Variants in FHAD1 observed in about 807,000 individuals in gnomAD.
The protein encoded by FHAD1 is forkhead-associated domain-containing protein 1.
A neutral mutation model predicts 191.3 loss-of-function variants in FHAD1; 146 were observed. The ratio of observed to expected loss-of-function variants is 0.76; its 90% CI spans 0.67 to 0.88. FHAD1 has a LOEUF of 0.88. Among genes scored for constraint, FHAD1 ranks in the 40% least tolerant of loss-of-function variants. FHAD1 has a pLI of 0.00. For missense variants in FHAD1, 1,635 were observed against 1,785.8 expected (o/e 0.92, Z 1.52); for synonymous variants, 616 against 672.3 (o/e 0.92, Z 1.29).
In FHAD1 at chr1:15,381,716, G is replaced by C. The variant is rs1465257112; in HGVS notation, c.4022+265G>C. ...GCAAGCTGCACCTCTTGCGACCCTT[G>C]ACTTATGGTTTCCCAGTTGTGTAGC... On this transcript the variant is annotated intron_variant, in intron 30 of 33. Coordinates refer to ENST00000688493, the MANE Select transcript of FHAD1 (RefSeq NM_001391957.1). The surrounding 1 kb of genome is among the most constrained non-coding windows in gnomAD (Gnocchi z 4.6). Among the ~76,000 whole-genome samples, 1 of 149,598 alleles carries C rather than the reference G, an allele frequency of 6.7e-6. No individual in the cohort carries two copies. The highest frequency in any genetic ancestry group is 2.5e-5 in the African/African-American group (1 of 40,580).
intron 2 of FHAD1, among the ~76,000 whole-genome samples, chr1:15,271,408 G>T (rs554221429): frequency 6.6e-6 from 1 of 152,190 alleles, no homozygotes; most frequent in Non-Finnish European, 1.5e-5. Context: ...GGAACATGCA[G>T]TCACCTCCTT....
chr1:15,249,139 C>T (rs1284689498), intron 1 of FHAD1, among the ~76,000 whole-genome samples: 1 of 152,058 alleles, frequency 6.6e-6, no homozygotes, highest in African/African-American at 2.4e-5. Flanking sequence ...AAGTAAAGAA[C>T]AAGAAAATGA....
At chr1:15,360,067 AG>A (rs1242585633) in intron 21 of FHAD1, among the ~76,000 whole-genome samples, 2 of 152,166 alleles carry the variant, frequency 1.3e-5, no homozygotes, top group Non-Finnish European at 2.9e-5. Context: ...GAGCCAAGAT[AG>A]TGCCACTGCA....
chr1:15,280,059 G>C (rs1257284291), intron 3 of FHAD1, among the ~76,000 whole-genome samples: 1 of 152,102 alleles, frequency 6.6e-6, no homozygotes, highest in African/African-American at 2.4e-5. Context: ...TTTTCTCCTC[G>C]GTGTATGATG....
intron 13 of FHAD1, 187 bp downstream of exon 13, chr1:15,328,616 G>T (rs1317575578): frequency 8.4e-6 from 4 of 477,318 alleles, no homozygotes; most frequent in African/African-American, 6.0e-5. Context: ...AATGCCTCCC[G>T]GGAGAACTTG....
At chr1:15,309,437 T>G (rs1671557700) in intron 7 of FHAD1, among the ~76,000 whole-genome samples, 1 of 151,874 alleles carries the variant, frequency 6.6e-6, no homozygotes. Context: ...TGACAGACAA[T>G]AAGAAGTAAA....
intron 1 of FHAD1, among the ~76,000 whole-genome samples, chr1:15,237,889 C>G (rs1466634188): frequency 6.6e-6 from 1 of 152,112 alleles, no homozygotes; most frequent in Non-Finnish European, 1.5e-5. Context: ...GGGGATTGAT[C>G]AGCTCAGAAA....
intron 4 of FHAD1, among the ~76,000 whole-genome samples, chr1:15,292,308 TG>T (rs1665081016): frequency 6.7e-6 from 1 of 148,458 alleles, no homozygotes; most frequent in African/African-American, 2.5e-5. Context: ...CCACCAGGCC[TG>T]GCTAATTTTT....
At position 15,279,402 on chromosome 1, in the gene FHAD1, T is replaced by C. The variant is rs1659655031; in HGVS notation, c.300+6873T>C. ...AGCATCAGCTTCAGGCCTGGCTAGA[T>C]CCAGGTGCTCAAGGGATGCTCAGGA... On this transcript the variant is annotated intron_variant, in intron 3 of 33. Coordinates refer to ENST00000688493, the MANE Select transcript of FHAD1 (RefSeq NM_001391957.1). 2.0e-5 allele frequency among the ~76,000 whole-genome samples: 3 copies of C among 152,168 alleles called. No homozygotes were observed. The South Asian group carries it at 6.2e-4, about 32-fold the overall frequency.
chr1:15,369,343 G>A (rs760957138), intron 25 of FHAD1, 27 bp from the exon 26 acceptor site: 27 of 1,551,224 alleles, frequency 1.7e-5, no homozygotes, highest in Non-Finnish European at 2.3e-5. Flanking sequence ...CCAGAACCTC[G>A]TGCCATCCTC....
intron 28 of FHAD1, among the ~76,000 whole-genome samples, chr1:15,378,945 C>T (rs1570465490): frequency 6.6e-6 from 1 of 152,064 alleles, no homozygotes; most frequent in Non-Finnish European, 1.5e-5. Context: ...TTGGCTGGGG[C>T]TTTCAGCAAG....
At chr1:15,308,518 T>C in intron 6 of FHAD1, 95 bp from the exon 7 acceptor site, 1 of 1,492,034 alleles carries the variant, frequency 6.7e-7, no homozygotes, top group Non-Finnish European at 9.0e-7. Context: ...CAGCCAAAAC[T>C]CAATCTGAAT....
At chr1:15,300,734 A>G (rs1004042400) in intron 5 of FHAD1, among the ~76,000 whole-genome samples, 5 of 152,310 alleles carry the variant, frequency 3.3e-5, no homozygotes, top group African/African-American at 9.6e-5. Flanking sequence ...ATTTTAACCA[A>G]ACTCTTGTCT....
Position 15,289,072 on chromosome 1 carries a change from C to T in FHAD1, c.301-327C>T, listed in dbSNP as rs950838185. ...CTATCACAGCTCACTGCAGCCTCTA[C>T]TTCCTAGGCTCAGGTGATCCTCCCA... On this transcript the variant is annotated intron_variant, in intron 3 of 33. Coordinates refer to ENST00000688493, the MANE Select transcript of FHAD1 (RefSeq NM_001391957.1). This position sits in a 1 kb window ranked among gnomAD's most constrained non-coding sequence, Gnocchi z 4.2. 4.6e-5 allele frequency among the ~76,000 whole-genome samples: 7 copies of T among 152,232 alleles called. No individual in the cohort carries two copies. Among genetic ancestry groups the T allele is most frequent in the African/African-American group, 1.7e-4 (7 of 41,464 alleles).
At chr1:15,345,211 G>C (rs1336970216) in intron 17 of FHAD1, 21 bp downstream of exon 17, 3 of 1,535,852 alleles carry the variant, frequency 2.0e-6, no homozygotes, top group Non-Finnish European at 2.6e-6. Context: ...CAGGGAGACA[G>C]AGTCAGCTCG....
chr1:15,367,570 A>T lies in FHAD1; in HGVS notation c.3262A>T (p.Ser1088Cys). 6.9e-7 allele frequency: 1 copy of T among 1,456,368 alleles called. No individual in the cohort carries two copies. The highest frequency in any genetic ancestry group is 3.1e-5 in the East Asian group (1 of 31,910). 90.2% of individuals were successfully genotyped at this position (1,456,368 alleles called of 1,614,324 possible). ...CAAGGAGAAGATGGCCCAGATGAGC[A>T]GCCTGGTAGAAAAGAAAGATCGGGA... Reference protein sequence around the residue: ...VLKEKMAQMSSLVEKKDRELK... With the variant: ...VLKEKMAQMSCLVEKKDRELK... The change falls in exon 25 of 34, where the codon AGC (serine) becomes TGC (cysteine). Residue 1088 changes from serine to cysteine, a missense_variant. By Grantham distance (112) the Ser-to-Cys change is moderately radical. Coordinates refer to ENST00000688493, the MANE Select transcript of FHAD1 (RefSeq NM_001391957.1).
intron 14 of FHAD1, chr1:15,334,307 A>G (rs1394360439): frequency 7.0e-6 from 1 of 142,500 alleles, no homozygotes; most frequent in East Asian, 2.1e-4. Context: ...TTCCTCTGAC[A>G]ATGCAGCAAT....
intron 6 of FHAD1, among the ~76,000 whole-genome samples, chr1:15,303,039 A>G (rs956280308): frequency 6.6e-6 from 1 of 152,162 alleles, no homozygotes; most frequent in African/African-American, 2.4e-5. Context: ...TCATTCATTC[A>G]TCCACTCATT....
intron 4 of FHAD1, among the ~76,000 whole-genome samples, chr1:15,291,739 G>A (rs924440121): frequency 1.3e-5 from 2 of 152,118 alleles, no homozygotes; most frequent in African/African-American, 4.8e-5. Context: ...AGCTTTTGAC[G>A]AGAGCTGCGG....
Sources: gnomAD v4.1 joint callset for allele counts (sites outside exome capture counted in the v4.1 genomes callset) on GRCh38, gnomAD v4.1.1 for gene constraint, Gnocchi (gnomAD v3.1) non-coding constraint, MANE v1.5 for transcripts, NCBI Gene and HGNC (gene_info 2026-07-23, HGNC 2026-07-21) for gene names.